Variants in ZNF618 observed in about 807,000 individuals in gnomAD.
The protein encoded by ZNF618 is zinc finger protein 618, also known as neural precursor cell expressed, developmentally down-regulated 10.
ZNF618 carries 34 observed loss-of-function variants against 103.0 expected under a neutral mutation model. The observed-to-expected ratio is 0.33, with a 90% confidence interval of 0.25 to 0.44. The LOEUF (loss-of-function observed/expected upper bound fraction) is 0.44. Ranked by LOEUF, ZNF618 falls within the 20% of genes least tolerant of loss-of-function variation. The pLI is 1.00. For missense variants in ZNF618, 1,059 were observed against 1,295.4 expected (o/e 0.82, Z 2.80); for synonymous variants, 551 against 542.2 (o/e 1.02, Z -0.23).
intron 1 of ZNF618, among the ~76,000 whole-genome samples, chr9:113,893,525 C>T (rs941316070): frequency 6.6e-6 from 1 of 152,078 alleles, no homozygotes; most frequent in Non-Finnish European, 1.5e-5. Flanking sequence ...ATTTTGTAAG[C>T]ATATTTTTAT....
At chr9:113,976,555 G>A (rs902906652) in intron 2 of ZNF618, among the ~76,000 whole-genome samples, 5 of 152,320 alleles carry the variant, frequency 3.3e-5, no homozygotes, top group South Asian at 4.1e-4. Context: ...GAGTGTGACA[G>A]TTAACAGTGT....
intron 2 of ZNF618, among the ~76,000 whole-genome samples, chr9:113,977,662 T>G (rs183752133): frequency 6.6e-6 from 1 of 152,282 alleles, no homozygotes; most frequent in Admixed American, 6.5e-5. Flanking sequence ...AATTGCACCA[T>G]TGCCAGACCC....
chr9:113,991,035 G>A (rs1422597613), intron 3 of ZNF618, among the ~76,000 whole-genome samples: 4 of 152,226 alleles, frequency 2.6e-5, no homozygotes, highest in Non-Finnish European at 5.9e-5. Context: ...ACCAGGAGAT[G>A]CCCAGGAAAG....
At chr9:113,981,451 T>C (rs1838968434) in intron 2 of ZNF618, among the ~76,000 whole-genome samples, 1 of 152,144 alleles carries the variant, frequency 6.6e-6, no homozygotes, top group South Asian at 2.1e-4. Context: ...AAACTGAGTC[T>C]TGGGGTAGGC....
intron 1 of ZNF618, among the ~76,000 whole-genome samples, chr9:113,918,504 C>T (rs945902094): frequency 6.6e-6 from 1 of 152,118 alleles, no homozygotes; most frequent in African/African-American, 2.4e-5. Flanking sequence ...TTCCTATTTC[C>T]ATCATTTCTT....
chr9:113,928,881 C>T (rs1034192440), intron 1 of ZNF618, among the ~76,000 whole-genome samples: 1 of 152,112 alleles, frequency 6.6e-6, no homozygotes, highest in Non-Finnish European at 1.5e-5. Flanking sequence ...AATTTCATAG[C>T]CTTTTCTTCT....
chr9:113,982,458 C>T (rs371105168), intron 2 of ZNF618, among the ~76,000 whole-genome samples: 2 of 152,124 alleles, frequency 1.3e-5, no homozygotes, highest in South Asian at 4.2e-4. Flanking sequence ...TCTTAAATCT[C>T]CCTTTGTCTT....
intron 3 of ZNF618, among the ~76,000 whole-genome samples, chr9:113,989,796 C>G (rs1426737906): frequency 6.6e-6 from 1 of 152,246 alleles, no homozygotes; most frequent in Non-Finnish European, 1.5e-5. Context: ...CCTTTGCCAG[C>G]TGTTCCCTGC....
At chr9:113,907,647 C>G (rs1375470663) in intron 1 of ZNF618, among the ~76,000 whole-genome samples, 1 of 152,200 alleles carries the variant, frequency 6.6e-6, no homozygotes. Flanking sequence ...GAGGGTTGTC[C>G]AGGACCCCCC....
intron 1 of ZNF618, among the ~76,000 whole-genome samples, chr9:113,931,810 A>T (rs1833613819): frequency 2.6e-5 from 4 of 152,254 alleles, no homozygotes; most frequent in Admixed American, 2.6e-4. Context: ...TAGTAAAATT[A>T]ATTTCACTGT....
Position 114,008,557 on chromosome 9 carries a change from A to G in ZNF618, c.754+3A>G, listed in dbSNP as rs1175268151. 6.2e-7 allele frequency: 1 copy of G among 1,613,822 alleles called. No homozygotes were observed. On this transcript the variant is annotated splice_donor_region_variant and intron_variant, in intron 9 of 14. Transcript: ENST00000374126. The stretch of plus-strand genomic sequence containing the variant: ...GCCATTCCAGAAAATCGGGCCAAGT[A>G]TGCGGGATTCCCTCTGGGGCCAAGG...
At chr9:113,908,252 G>A (rs1204054787) in intron 1 of ZNF618, among the ~76,000 whole-genome samples, 1 of 152,106 alleles carries the variant, frequency 6.6e-6, no homozygotes, top group Non-Finnish European at 1.5e-5. Context: ...TACCCACTAC[G>A]AGATTTCAAA....
In ZNF618 at chr9:113,944,897, G is replaced by A. The variant is rs549735827; in HGVS notation, c.34-24220G>A. Reference sequence around the variant, plus strand: ...ATTTCAAAAGCTCAGTAGCCACAGGGGGCTAGTGGCAACCATGTTGGACAG... The same window carrying A: ...ATTTCAAAAGCTCAGTAGCCACAGGAGGCTAGTGGCAACCATGTTGGACAG... On this transcript the variant is annotated intron_variant, in intron 1 of 14. Transcript: ENST00000374126. Among the ~76,000 whole-genome samples, 3 of 152,160 alleles carry A rather than the reference G, an allele frequency of 2.0e-5. No individual in the cohort carries two copies. In the South Asian group the frequency reaches 6.2e-4, roughly 32 times the overall value.
intron 9 of ZNF618, among the ~76,000 whole-genome samples, chr9:114,011,538 C>G (rs779473138): frequency 6.6e-6 from 1 of 152,232 alleles, no homozygotes; most frequent in East Asian, 1.9e-4. Flanking sequence ...TGCTGCCACT[C>G]AGGAGCTGCC....
chr9:113,891,400 C>G (rs188567495), intron 1 of ZNF618, among the ~76,000 whole-genome samples: 2 of 152,234 alleles, frequency 1.3e-5, no homozygotes, highest in East Asian at 3.9e-4. Flanking sequence ...AAGAGATGCC[C>G]AACATCATTC....
chr9:113,943,122 G>A (rs1357509043), intron 1 of ZNF618, among the ~76,000 whole-genome samples: 2 of 152,198 alleles, frequency 1.3e-5, no homozygotes, highest in Admixed American at 6.5e-5. Flanking sequence ...TCCTCCTGGC[G>A]TGGTTTACAG....
chr9:113,953,644 A>T (rs1430900871), intron 1 of ZNF618, among the ~76,000 whole-genome samples: 1 of 152,174 alleles, frequency 6.6e-6, no homozygotes, highest in East Asian at 1.9e-4. Flanking sequence ...AATTAAATGA[A>T]GTAATGGATA....
intron 1 of ZNF618, among the ~76,000 whole-genome samples, chr9:113,931,307 T>C (rs1309923088): frequency 6.6e-6 from 1 of 152,148 alleles, no homozygotes; most frequent in East Asian, 1.9e-4. Context: ...GATGGCAGTT[T>C]AGGAGCGTGG....
intron 2 of ZNF618, among the ~76,000 whole-genome samples, chr9:113,976,171 G>A (rs1482180962): frequency 6.6e-6 from 1 of 152,220 alleles, no homozygotes; most frequent in Non-Finnish European, 1.5e-5. Flanking sequence ...AGATCCGTGA[G>A]TTGTTTGTGC....
Sources: allele counts gnomAD v4.1 joint callset (sites outside exome capture counted in the v4.1 genomes callset), GRCh38; gene constraint gnomAD v4.1.1; transcripts MANE v1.5; gene names NCBI Gene and HGNC (gene_info 2026-07-23, HGNC 2026-07-21).